The following B4GALT7 variants were observed in gnomAD, a reference collection of about 807,000 sequenced individuals.
B4GALT7 encodes UDP-Gal:beta-GlcNAc beta-1,4-galactosyltransferase 7.
Under a neutral mutation model 33.0 loss-of-function variants are expected in B4GALT7, and 30 were observed. That is an observed-to-expected ratio of 0.91 (90% CI 0.68 to 1.23). The LOEUF is 1.23. Among genes scored for constraint, B4GALT7 ranks in the 50% most tolerant of loss-of-function variants. The pLI is 0.00. For synonymous variants in B4GALT7, 213 were observed against 187.2 expected (o/e 1.14, Z -1.13); for missense variants, 507 against 450.8 (o/e 1.12, Z -1.13).
intron 1 of B4GALT7, among the ~76,000 whole-genome samples, chr5:177,601,987 C>T (rs1767861688): frequency 1.3e-5 from 2 of 152,210 alleles, no homozygotes; most frequent in Admixed American, 1.3e-4. Context: ...AGTACCCAGT[C>T]CACGCCGTTC....
At position 177,608,533 on chromosome 5, in the gene B4GALT7, T is replaced by A. The variant is rs777260899; in HGVS notation, c.640-6T>A. The A allele has an allele frequency of 3.1e-6, 5 of 1,608,902 alleles. No homozygotes were observed. Among genetic ancestry groups the A allele is most frequent in the South Asian group, 1.1e-5 (1 of 90,976 alleles). ...GGCCGAGTGACGCTGCTTGTCTCTG[T>A]GTCAGTGCAATGGGATGTCCAACCG... On this transcript the variant is annotated splice_region_variant and splice_polypyrimidine_tract_variant and intron_variant, in intron 3 of 5. Transcript: ENST00000029410. This position sits in a 1 kb window ranked among gnomAD's most constrained non-coding sequence, Gnocchi z 4.1.
Position 177,608,895 on chromosome 5 carries a change from C to A in B4GALT7, c.724-15C>A. On this transcript the variant is annotated splice_polypyrimidine_tract_variant and intron_variant, in intron 4 of 5. Coordinates refer to ENST00000029410, the MANE Select transcript of B4GALT7 (RefSeq NM_007255.3). This position sits in a 1 kb window ranked among gnomAD's most constrained non-coding sequence, Gnocchi z 4.1. ...GGAAGGGCAGCCTGACCCCGACTTC[C>A]TTGGACCTCCCTAGCTTTTCCGCCC... The A allele has an allele frequency of 6.2e-7, 1 of 1,610,986 alleles. No individual in the cohort carries two copies. The highest frequency in any genetic ancestry group is 8.5e-7 in the Non-Finnish European group (1 of 1,177,844).
In B4GALT7 at chr5:177,604,487, G is replaced by A; in HGVS notation, c.359G>A (p.Ser120Asn). 6.2e-7 allele frequency: 1 copy of A among 1,613,988 alleles called. No homozygotes were observed. Among genetic ancestry groups the A allele is most frequent in the Non-Finnish European group, 8.5e-7 (1 of 1,179,944 alleles). ...GTGCCCCACATGCGCCGCTTCCTGAGCAGGAAGAAGATCCGGCACCACATC... is the reference window on the plus strand; with the variant it reads ...GTGCCCCACATGCGCCGCTTCCTGAACAGGAAGAAGATCCGGCACCACATC... ...VFVPHMRRFL[S>N]RKKIRHHIYV... Residue 120 changes from serine to asparagine, a missense_variant, in exon 2 of 6, where the codon AGC becomes AAC. Physicochemically the swap from Ser to Asn is conservative, Grantham distance 46. Coordinates refer to ENST00000029410, the MANE Select transcript of B4GALT7 (RefSeq NM_007255.3).
intron 1 of B4GALT7, chr5:177,602,791 G>T: frequency 1.0e-6 from 1 of 982,742 alleles, no homozygotes; most frequent in Non-Finnish European, 1.2e-6. Context: ...AAACAGAGGA[G>T]GGTCATTCAG....
Position 177,600,301 on chromosome 5 carries a change from G to C in B4GALT7, c.50+41G>C. 7.8e-7 allele frequency: 1 copy of C among 1,288,018 alleles called. No individual in the cohort carries two copies. Among genetic ancestry groups the C allele is most frequent in the Non-Finnish European group, 9.9e-7 (1 of 1,013,010 alleles). The allele number at this position is 1,288,018 out of a possible 1,614,324, so 79.8% of individuals were successfully genotyped here. On this transcript the variant is annotated intron_variant, in intron 1 of 5. Transcript: ENST00000029410. The surrounding 1 kb of genome is among the most constrained non-coding windows in gnomAD (Gnocchi z 4.4). ...GGGCCCGGGCCCCGTCCTCCCGGGC[G>C]CCGCTCCCTTCTCGGCCGCCGGCGG... is the stretch of plus-strand genomic sequence containing the variant.
chr5:177,608,260 G>T lies in B4GALT7; in HGVS notation c.640-279G>T. On this transcript the variant is annotated intron_variant, in intron 3 of 5. Coordinates refer to ENST00000029410, the MANE Select transcript of B4GALT7 (RefSeq NM_007255.3). This position sits in a 1 kb window ranked among gnomAD's most constrained non-coding sequence, Gnocchi z 4.1. ...AAGCAGAAATCAAGTAGGAGCTGGC[G>T]CTTCTGCCCATCGACAGTTCCCCAC... 3 of 492,636 alleles carry T rather than the reference G, an allele frequency of 6.1e-6. No individual in the cohort carries two copies. The highest frequency in any genetic ancestry group is 6.8e-5 in the Admixed American group (2 of 29,608). 30.5% of individuals were successfully genotyped at this position (492,636 alleles called of 1,614,324 possible).
rs1431975525 is a variant in B4GALT7, at chr5:177,600,455, C to G, written c.50+195C>G. ...TCCCTGTGGGTCTCTGCCTCCCCCG[C>G]CCCCTCTCCCTTTCCGCGGCACTCG... On this transcript the variant is annotated intron_variant, in intron 1 of 5. Coordinates refer to ENST00000029410, the MANE Select transcript of B4GALT7 (RefSeq NM_007255.3). This position sits in a 1 kb window ranked among gnomAD's most constrained non-coding sequence, Gnocchi z 4.4. 6.6e-6 allele frequency among the ~76,000 whole-genome samples: 1 copy of G among 151,048 alleles called. No individual in the cohort carries two copies. Among genetic ancestry groups the G allele is most frequent in the Non-Finnish European group, 1.5e-5 (1 of 67,728 alleles).
intron 2 of B4GALT7, chr5:177,605,322 G>A (rs114360699): frequency 1.1e-4 from 32 of 290,490 alleles, no homozygotes; most frequent in African/African-American, 6.9e-4. Context: ...GGTATGGAGA[G>A]GAAAGACAAC....
Position 177,604,263 on chromosome 5 carries a change from C to T in B4GALT7, c.135C>T (p.Ser45=), listed in dbSNP as rs777543102. Residue 45 remains serine (S), a synonymous_variant, in exon 2 of 6, where the codon TCC becomes TCT. Coordinates refer to ENST00000029410, the MANE Select transcript of B4GALT7 (RefSeq NM_007255.3). ...FVACLSLGFF[S]LLWLQLSCSG... ...CCTGCCTCTCGCTGGGCTTCTTCTC[C>T]CTACTCTGGCTGCAGCTCAGCTGCT... 1 of 1,613,536 alleles carries T rather than the reference C, an allele frequency of 6.2e-7. No homozygotes were observed. The highest frequency in any genetic ancestry group is 2.2e-5 in the East Asian group (1 of 44,852).
rs1405907834 is a variant in B4GALT7 at position 177,608,004 on chromosome 5, C to G, written c.639+477C>G. 4.1e-6 allele frequency: 1 copy of G among 244,836 alleles called. No individual in the cohort carries two copies. Among genetic ancestry groups the G allele is most frequent in the Non-Finnish European group, 8.1e-6 (1 of 123,580 alleles). 15.2% of individuals were successfully genotyped at this position (244,836 alleles called of 1,614,324 possible). A position where few individuals can be genotyped will look rare whatever the true frequency, so the allele number is the denominator to read the frequency against. On this transcript the variant is annotated intron_variant, in intron 3 of 5. Transcript: ENST00000029410. This position sits in a 1 kb window ranked among gnomAD's most constrained non-coding sequence, Gnocchi z 4.1. The stretch of plus-strand genomic sequence containing the variant: ...GGCTCTTGATTGGCCGGCTTGAGTG[C>G]TGAGCCCACCCCTCAGCCAGTCACT...
chr5:177,603,417 C>T (rs535054744), intron 1 of B4GALT7: 1 of 948,626 alleles, frequency 1.1e-6, no homozygotes, highest in East Asian at 1.2e-4. Flanking sequence ...CCTGGCATCA[C>T]CCCAGTGTCT....
rs1429482924 is a variant in B4GALT7 at position 177,608,919 on chromosome 5, C to T, written c.733C>T (p.Pro245Ser). 24 of 1,613,588 alleles carry T rather than the reference C, an allele frequency of 1.5e-5. No individual in the cohort carries two copies. Among genetic ancestry groups the T allele is most frequent in the Non-Finnish European group, 2.0e-5 (24 of 1,179,960 alleles). Residue 245 changes from proline (P) to serine (S), a missense_variant, in exon 5 of 6, where the codon CCC becomes TCC. Coordinates refer to ENST00000029410, the MANE Select transcript of B4GALT7 (RefSeq NM_007255.3). This position sits in a 1 kb window ranked among gnomAD's most constrained non-coding sequence, Gnocchi z 4.1. Reference sequence around the variant, plus strand: ...CCTTGGACCTCCCTAGCTTTTCCGCCCCTCGGGAATCACAACTGGGTACAA... The same window carrying T: ...CCTTGGACCTCCCTAGCTTTTCCGCTCCTCGGGAATCACAACTGGGTACAA... ...IKGAGLQLFR[P>S]SGITTGYKTF...
chr5:177,605,895 T>A (rs1307973012), intron 2 of B4GALT7: 1 of 152,694 alleles, frequency 6.5e-6, no homozygotes, highest in Non-Finnish European at 1.5e-5. Context: ...CAGCTCTCAC[T>A]GAGGTCACCA....
intron 1 of B4GALT7, chr5:177,603,160 C>T (rs1296953601): frequency 2.1e-5 from 20 of 972,530 alleles, no homozygotes; most frequent in South Asian, 4.8e-5. Flanking sequence ...GGATTACAGG[C>T]GTGAGCCACC....
At position 177,608,525 on chromosome 5, in the gene B4GALT7, T is replaced by C. The variant is rs1297277047; in HGVS notation, c.640-14T>C. The stretch of plus-strand genomic sequence containing the variant: ...GGAAGATGGGCCGAGTGACGCTGCT[T>C]GTCTCTGTGTCAGTGCAATGGGATG... On this transcript the variant is annotated splice_polypyrimidine_tract_variant and intron_variant, in intron 3 of 5. Transcript: ENST00000029410. The surrounding 1 kb of genome is among the most constrained non-coding windows in gnomAD (Gnocchi z 4.1). 1 of 1,609,892 alleles carries C rather than the reference T, an allele frequency of 6.2e-7. No homozygotes were observed.
chr5:177,604,730 C>A (rs1030401246), intron 2 of B4GALT7, among the ~76,000 whole-genome samples, 189 bp downstream of exon 2: 1 of 152,068 alleles, frequency 6.6e-6, no homozygotes, highest in Admixed American at 6.5e-5. Context: ...CTGTGGCTGC[C>A]GTATGTGGAA....
chr5:177,609,109 C>T (rs1284612970), intron 5 of B4GALT7, 95 bp downstream of exon 5: 1 of 1,123,236 alleles, frequency 8.9e-7, no homozygotes, highest in Non-Finnish European at 1.3e-6. Context: ...CCCAAATGGT[C>T]CCATCCTCCC....
At position 177,600,449 on chromosome 5, in the gene B4GALT7, C is replaced by T. The variant is rs1046816748; in HGVS notation, c.50+189C>T. ...TGTCTGTCCCTGTGGGTCTCTGCCT[C>T]CCCCGCCCCCTCTCCCTTTCCGCGG... is the stretch of plus-strand genomic sequence containing the variant. On this transcript the variant is annotated intron_variant, in intron 1 of 5. Transcript: ENST00000029410. The surrounding 1 kb of genome is among the most constrained non-coding windows in gnomAD (Gnocchi z 4.4). Among the ~76,000 whole-genome samples the T allele has an allele frequency of 6.6e-5, 10 of 151,538 alleles. No individual in the cohort carries two copies. Among genetic ancestry groups the T allele is most frequent in the Middle Eastern group, 3.4e-3 (1 of 294 alleles).
Position 177,604,395 on chromosome 5 carries a change from C to T in B4GALT7, c.267C>T (p.Ser89=), listed in dbSNP as rs1359704427. ...CTGAGCACTGGGAAGAAGACGCATCCTGGGGCCCCCACCGCCTGGCAGTGC... is the reference window on the plus strand; with the variant it reads ...CTGAGCACTGGGAAGAAGACGCATCTTGGGGCCCCCACCGCCTGGCAGTGC... ...PPPEHWEEDA[S]WGPHRLAVLV... The change falls in exon 2 of 6, where the codon TCC becomes TCT. Residue 89 remains serine (S), a synonymous_variant. Transcript: ENST00000029410. 24 of 1,613,622 alleles carry T rather than the reference C, an allele frequency of 1.5e-5. No individual in the cohort carries two copies. Among genetic ancestry groups the T allele is most frequent in the Admixed American group, 1.0e-4 (6 of 59,988 alleles).
Sources: allele counts gnomAD v4.1 joint callset (sites outside exome capture counted in the v4.1 genomes callset), GRCh38; gene constraint gnomAD v4.1.1; non-coding constraint Gnocchi (gnomAD v3.1); transcripts MANE v1.5; gene names NCBI Gene and HGNC (gene_info 2026-07-23, HGNC 2026-07-21).